ALK: variants seen among roughly 807,000 people sequenced by gnomAD.
ALK encodes ALK tyrosine kinase receptor.
Under a neutral mutation model 163.1 loss-of-function variants are expected in ALK, and 74 were observed. The ratio of observed to expected loss-of-function variants is 0.45; its 90% CI spans 0.38 to 0.55. ALK has a LOEUF of 0.55. Ranked by LOEUF, ALK falls within the 20% of genes least tolerant of loss-of-function variation. The pLI, the probability that ALK is intolerant of heterozygous loss-of-function variation, is 0.00. For synonymous variants in ALK, 960 were observed against 843.2 expected, an observed-to-expected ratio of 1.14 and a Z score of -2.40; for missense variants, 2,063 against 2,105.3, an observed-to-expected ratio of 0.98 and a Z score of 0.39.
At chr2:29,835,488 G>C (rs142763375) in intron 1 of ALK, among the ~76,000 whole-genome samples, 317 of 152,260 alleles carry the variant, frequency 2.1e-3, no homozygotes, top group African/African-American at 7.2e-3. Context: ...TGGGATCACA[G>C]TAGTATACCA....
In ALK at chr2:29,880,455, G is replaced by A. The variant is rs139848323; in HGVS notation, c.667+39538C>T. Reference sequence around the variant, plus strand: ...TAAATGTTGGGGGGTCACAGATCCTGCTGAAAAGCTGATGAAAGCTATGGA... The same window carrying A: ...TAAATGTTGGGGGGTCACAGATCCTACTGAAAAGCTGATGAAAGCTATGGA... On this transcript the variant is annotated intron_variant, in intron 1 of 28. Transcript: ENST00000389048. Among the ~76,000 whole-genome samples, 808 of 152,274 alleles carry A rather than the reference G, an allele frequency of 5.3e-3. 11 individuals carry two copies. Among genetic ancestry groups the A allele is most frequent in the African/African-American group, 0.019 (775 of 41,556 alleles).
At position 29,831,100 on chromosome 2, in the gene ALK, AG is replaced by A. The variant is rs1558508705; in HGVS notation, c.667+88892del. On this transcript the variant is annotated intron_variant, in intron 1 of 28. Coordinates refer to ENST00000389048, the MANE Select transcript of ALK (RefSeq NM_004304.5). The stretch of plus-strand genomic sequence containing the variant: ...GAGGAGGAGGAGGAGGAGGAGGAGG[AG>A]GAGGAGGAGAAGAAGAAGAAGAAGG... Among the ~76,000 whole-genome samples, 39 of 57,698 alleles carry A rather than the reference AG, an allele frequency of 6.8e-4. 8 individuals are homozygous for A. The highest frequency in any genetic ancestry group is 2.4e-3 in the African/African-American group (34 of 14,444). The allele number at this position is 57,698 out of a possible 152,430, so 37.9% of individuals were successfully genotyped here. A position where few individuals can be genotyped will look rare whatever the true frequency, so the allele number is the denominator to read the frequency against.
chr2:29,272,147 TAGAA>T (rs1011795730), intron 11 of ALK, among the ~76,000 whole-genome samples: 2 of 127,966 alleles, frequency 1.6e-5, no homozygotes, highest in Admixed American at 7.9e-5. Flanking sequence ...GGGAAAGAGA[TAGAA>T]AGAGAGAGAG....
At chr2:29,483,095 G>A (rs1248802087) in intron 4 of ALK, among the ~76,000 whole-genome samples, 1 of 152,236 alleles carries the variant, frequency 6.6e-6, no homozygotes, top group African/African-American at 2.4e-5. Context: ...ATTTGCACTT[G>A]AAAAGAGAGC....
intron 12 of ALK, among the ~76,000 whole-genome samples, chr2:29,240,078 GAGAA>G (rs1166160833): frequency 6.6e-6 from 1 of 151,960 alleles, no homozygotes; most frequent in African/African-American, 2.4e-5. Flanking sequence ...GGGTGCAAGA[GAGAA>G]AGAGAGGAAA....
At chr2:29,859,549 G>T (rs1666227226) in intron 1 of ALK, among the ~76,000 whole-genome samples, 1 of 152,128 alleles carries the variant, frequency 6.6e-6, no homozygotes, top group Non-Finnish European at 1.5e-5. Context: ...ATAGTGAGTG[G>T]GCCACGGCAA....
chr2:29,864,930 C>G (rs562902901), intron 1 of ALK, among the ~76,000 whole-genome samples: 2 of 152,336 alleles, frequency 1.3e-5, no homozygotes, highest in East Asian at 1.9e-4. Context: ...ACCCTCTCCC[C>G]TGAAGGGCAC....
At chr2:29,843,144 T>C (rs1342774736) in intron 1 of ALK, among the ~76,000 whole-genome samples, 1 of 151,698 alleles carries the variant, frequency 6.6e-6, no homozygotes, top group East Asian at 1.9e-4. Context: ...TATTAGGTTG[T>C]GTTCATGGAG....
At chr2:29,344,084 T>C (rs1667878294) in intron 5 of ALK, among the ~76,000 whole-genome samples, 1 of 152,244 alleles carries the variant, frequency 6.6e-6, no homozygotes, top group Admixed American at 6.5e-5. Context: ...AAGTGTCTCC[T>C]ACATAGTAGG....
chr2:29,357,691 T>C (rs1339360331), intron 5 of ALK, among the ~76,000 whole-genome samples: 2 of 152,170 alleles, frequency 1.3e-5, no homozygotes, highest in Non-Finnish European at 2.9e-5. Flanking sequence ...AATGCCAAGC[T>C]CCAGGTGGGA....
At chr2:29,533,687 C>A (rs1036206150) in intron 3 of ALK, among the ~76,000 whole-genome samples, 1 of 152,158 alleles carries the variant, frequency 6.6e-6, no homozygotes. Flanking sequence ...TTAATGGATG[C>A]CTATTTTGAG....
chr2:29,622,957 A>G (rs1462707362), intron 3 of ALK, among the ~76,000 whole-genome samples: 1 of 152,180 alleles, frequency 6.6e-6, no homozygotes, highest in African/African-American at 2.4e-5. Flanking sequence ...GGCAGAACCA[A>G]TGACCTCCAT....
intron 1 of ALK, among the ~76,000 whole-genome samples, chr2:29,818,747 T>C (rs2148376951): frequency 6.6e-6 from 1 of 152,380 alleles, no homozygotes; most frequent in Non-Finnish European, 1.5e-5. Context: ...GAAATGAGAC[T>C]GGTCAGGTTC....
intron 11 of ALK, among the ~76,000 whole-genome samples, chr2:29,265,296 GCATGAGC>G (rs1665193103): frequency 6.6e-6 from 1 of 152,168 alleles, no homozygotes; most frequent in East Asian, 1.9e-4. Context: ...GGGATTACAG[GCATGAGC>G]CACTGTGCCT....
At chr2:29,312,341 G>A (rs892811996) in intron 8 of ALK, among the ~76,000 whole-genome samples, 1 of 151,892 alleles carries the variant, frequency 6.6e-6, no homozygotes, top group African/African-American at 2.4e-5. Context: ...CCCTGGAGAG[G>A]ATACTGAAGC....
At chr2:29,228,825 G>A (rs970148280) in intron 16 of ALK, 59 bp downstream of exon 16, 11 of 1,145,404 alleles carry the variant, frequency 9.6e-6, no homozygotes, top group African/African-American at 1.5e-5. Flanking sequence ...GGGCAGGGAG[G>A]TGAGGAGCCT....
intron 3 of ALK, among the ~76,000 whole-genome samples, chr2:29,598,033 C>G (rs1675263912): frequency 6.6e-6 from 1 of 152,188 alleles, no homozygotes; most frequent in Admixed American, 6.5e-5. Context: ...TCAGAGAGTA[C>G]TGTTATTTTT....
chr2:29,311,018 C>T (rs1666680284), intron 8 of ALK, among the ~76,000 whole-genome samples: 1 of 152,228 alleles, frequency 6.6e-6, no homozygotes, highest in Non-Finnish European at 1.5e-5. Flanking sequence ...ACTGCAGCTT[C>T]CTCCTTTGTA....
intron 3 of ALK, among the ~76,000 whole-genome samples, chr2:29,620,454 TG>T (rs1675998944): frequency 8.0e-6 from 1 of 125,778 alleles, no homozygotes. Flanking sequence ...TATGAGGTAC[TG>T]GGGGTGAGGA....
Sources: gnomAD v4.1 joint callset for allele counts (sites outside exome capture counted in the v4.1 genomes callset) on GRCh38, gnomAD v4.1.1 for gene constraint, MANE v1.5 for transcripts, NCBI Gene and HGNC (gene_info 2026-07-23, HGNC 2026-07-21) for gene names.